Variants in SCIN observed in about 807,000 individuals in gnomAD.
SCIN encodes the protein adseverin.
A neutral mutation model predicts 91.8 loss-of-function variants in SCIN; 91 were observed. That is an observed-to-expected ratio of 0.99 (90% CI 0.84 to 1.18). The LOEUF is 1.18. SCIN is among the 50% of genes most tolerant of loss of function. SCIN has a pLI of 0.00. For synonymous variants in SCIN, 367 were observed against 312.6 expected, an observed-to-expected ratio of 1.17 and a Z score of -1.84; for missense variants, 1,087 against 863.9, an observed-to-expected ratio of 1.26 and a Z score of -3.24.
At chr7:12,615,534 T>C (rs2115263233) in intron 4 of SCIN, among the ~76,000 whole-genome samples, 1 of 152,254 alleles carries the variant, frequency 6.6e-6, no homozygotes, top group African/African-American at 2.4e-5. Context: ...GGAGAGTCAA[T>C]TAAACCTTTT....
chr7:12,570,925 C>G lies in SCIN; in HGVS notation c.139C>G (p.Leu47Val), dbSNP rs149826630. ...HGDFYVGDAY[L>V]VLHTAKTSRG... ...CGACTTCTACGTCGGGGATGCCTAC[C>G]TGGTGCTGCACACGGCCAAGACGAG... The change falls in exon 1 of 16, where the codon CTG becomes GTG. Residue 47 changes from leucine to valine, a missense_variant. Physicochemically the swap from Leu to Val is conservative, Grantham distance 32. Transcript: ENST00000297029. 3.2e-6 allele frequency: 5 copies of G among 1,551,526 alleles called. No individual in the cohort carries two copies. The highest frequency in any genetic ancestry group is 1.2e-5 in the South Asian group (1 of 84,062).
At chr7:12,593,831 T>G (rs1203366457) in intron 3 of SCIN, among the ~76,000 whole-genome samples, 2 of 151,472 alleles carry the variant, frequency 1.3e-5, no homozygotes, top group Non-Finnish European at 2.9e-5. Flanking sequence ...ATCCTGCTGA[T>G]GAAGGTCATC....
At chr7:12,575,296 CTAAA>C (rs962715371) in intron 1 of SCIN, among the ~76,000 whole-genome samples, 1 of 150,080 alleles carries the variant, frequency 6.7e-6, no homozygotes, top group Non-Finnish European at 1.5e-5. Flanking sequence ...ATTGTTGTCT[CTAAA>C]TAGAGACCTT....
chr7:12,649,560 G>A lies in SCIN; in HGVS notation c.1959+16G>A, dbSNP rs369981300. 3.8e-6 allele frequency: 6 copies of A among 1,559,268 alleles called. No homozygotes were observed. The African/African-American group carries it at 4.0e-5, about 11-fold the overall frequency. On this transcript the variant is annotated intron_variant, in intron 14 of 15. Transcript: ENST00000297029. ...TTGGGAACAGGTAAAACTACATTTT[G>A]TTCATAAGAAGAGAATGCATTTTTG...
intron 13 of SCIN, among the ~76,000 whole-genome samples, chr7:12,648,212 C>A (rs533866739): frequency 6.6e-6 from 1 of 151,120 alleles, no homozygotes; most frequent in African/African-American, 2.4e-5. Context: ...TTTGTACATG[C>A]AAATATTATG....
rs377403484 is a variant in SCIN at position 12,625,070 on chromosome 7, A to T, written c.820A>T (p.Met274Leu). Residue 274 changes from methionine (M) to leucine (L), a missense_variant, in exon 6 of 16, where the codon ATG becomes TTG. Transcript: ENST00000297029. The part of the protein sequence containing the change: ...TVVAEENPFS[M>L]AMLLSEECFI... ...GGTGGCAGAAGAAAACCCCTTCTCA[A>T]TGGCAATGCTGCTGTCTGAAGAATG... 6.3e-7 allele frequency: 1 copy of T among 1,599,916 alleles called. No homozygotes were observed. Among genetic ancestry groups the T allele is most frequent in the African/African-American group, 1.3e-5 (1 of 74,766 alleles).
intron 1 of SCIN, chr7:12,571,369 A>G (rs1460446852): frequency 2.9e-6 from 1 of 347,962 alleles, no homozygotes; most frequent in Non-Finnish European, 5.5e-6. Flanking sequence ...CGACAAACTC[A>G]GTCCTGCTTT....
chr7:12,590,750 A>G (rs1355012800), intron 3 of SCIN, among the ~76,000 whole-genome samples: 1 of 152,080 alleles, frequency 6.6e-6, no homozygotes, highest in Non-Finnish European at 1.5e-5. Context: ...AACAGTGTAT[A>G]ACTCCTGCTT....
intron 3 of SCIN, among the ~76,000 whole-genome samples, chr7:12,582,320 T>C (rs1434282669): frequency 6.6e-6 from 1 of 152,140 alleles, no homozygotes; most frequent in East Asian, 1.9e-4. Flanking sequence ...CACAAAAGAT[T>C]CTGAAAATAG....
intron 3 of SCIN, among the ~76,000 whole-genome samples, chr7:12,600,529 C>T (rs113568383): frequency 0.02 from 3,030 of 152,212 alleles, 111 homozygotes; most frequent in African/African-American, 0.069. Flanking sequence ...AACAAAGATA[C>T]GTGTAGGAAA....
chr7:12,628,031 G>A (rs1439625489), intron 8 of SCIN, among the ~76,000 whole-genome samples: 3 of 65,086 alleles, frequency 4.6e-5, no homozygotes, highest in Non-Finnish European at 8.1e-5. Context: ...AAGTGTGCGC[G>A]CGTGTGTGTG....
intron 4 of SCIN, among the ~76,000 whole-genome samples, chr7:12,620,656 G>A (rs976190410): frequency 2.6e-5 from 4 of 152,036 alleles, no homozygotes; most frequent in Non-Finnish European, 5.9e-5. Flanking sequence ...TGACTAAGTG[G>A]GTAGGAGATC....
At chr7:12,597,833 TAA>T (rs1407359057) in intron 3 of SCIN, among the ~76,000 whole-genome samples, 1 of 152,212 alleles carries the variant, frequency 6.6e-6, no homozygotes, top group Non-Finnish European at 1.5e-5. Flanking sequence ...GTTTGTATAT[TAA>T]GAGTTAATTA....
chr7:12,572,246 G>T (rs1364013307), intron 1 of SCIN, among the ~76,000 whole-genome samples: 1 of 152,210 alleles, frequency 6.6e-6, no homozygotes, highest in African/African-American at 2.4e-5. Flanking sequence ...ATTTGTGTTA[G>T]CTTGAGGAGG....
intron 3 of SCIN, chr7:12,588,820 GGTGCGGGGGCGGGTGGGAAGGGGGA>G (rs1782649682): frequency 1.5e-5 from 1 of 68,600 alleles, no homozygotes; most frequent in African/African-American, 7.1e-5. Context: ...GGGGGGGGGG[GGTGCGGGGGCGGGTGGGAAGGGGGA>G]GGGGTTCTGG....
At chr7:12,594,352 G>A (rs1782792357) in intron 3 of SCIN, among the ~76,000 whole-genome samples, 1 of 152,106 alleles carries the variant, frequency 6.6e-6, no homozygotes, top group African/African-American at 2.4e-5. Context: ...CAGGTTTTGA[G>A]CTGGTGAGTA....
chr7:12,577,472 C>G (rs1782395276), intron 1 of SCIN: 1 of 453,738 alleles, frequency 2.2e-6, no homozygotes. Context: ...ACTTAAATCT[C>G]ATTGGAATAG....
chr7:12,657,553 TA>T lies in SCIN; in HGVS notation c.*4839del, dbSNP rs1392495873. On this transcript the variant is annotated 3_prime_UTR_variant, in exon 16 of 16. Coordinates refer to ENST00000297029, the MANE Select transcript of SCIN (RefSeq NM_001112706.3). ...ATATGTGTGTGTATATATATATATA[TA>T]TATATATATATATATATATTTTTTT... 5.6e-3 allele frequency: 111 copies of T among 19,864 alleles called. 2 individuals are homozygous for T. Among genetic ancestry groups the T allele is most frequent in the Non-Finnish European group, 0.011 (88 of 8,250 alleles). The allele number at this position is 19,864 out of a possible 1,614,324, so 1.2% of individuals were successfully genotyped here. A position where few individuals can be genotyped will look rare whatever the true frequency, so the allele number is the denominator to read the frequency against.
intron 4 of SCIN, among the ~76,000 whole-genome samples, chr7:12,621,027 A>C (rs1783397141): frequency 6.6e-6 from 1 of 152,170 alleles, no homozygotes; most frequent in African/African-American, 2.4e-5. Context: ...TGGGCAACCC[A>C]AAATGAAAAT....
Sources: allele counts gnomAD v4.1 joint callset (sites outside exome capture counted in the v4.1 genomes callset), GRCh38; gene constraint gnomAD v4.1.1; transcripts MANE v1.5; gene names NCBI Gene and HGNC (gene_info 2026-07-23, HGNC 2026-07-21).